The following WDR47 variants were observed in gnomAD, a reference collection of about 807,000 sequenced individuals.
The protein encoded by WDR47 is WD repeat domain 47.
A neutral mutation model predicts 97.2 loss-of-function variants in WDR47; 32 were observed. The observed-to-expected ratio is 0.33, with a 90% CI of 0.25 to 0.44. The LOEUF (loss-of-function observed/expected upper bound fraction) is 0.44. WDR47 is among the 20% of genes least tolerant of loss of function. The pLI is 1.00. For synonymous variants in WDR47, 375 were observed against 373.5 expected, an observed-to-expected ratio of 1.00 and a Z score of -0.05; for missense variants, 782 against 1,102.3, an observed-to-expected ratio of 0.71 and a Z score of 4.11.
intron 3 of WDR47, among the ~76,000 whole-genome samples, chr1:109,016,788 T>C (rs1661450063): frequency 6.7e-6 from 1 of 149,334 alleles, no homozygotes; most frequent in Non-Finnish European, 1.5e-5. Context: ...TTAGATATAG[T>C]TAAAAAAAAA....
chr1:109,013,073 A>G (rs1398067166), intron 4 of WDR47, among the ~76,000 whole-genome samples: 7 of 152,146 alleles, frequency 4.6e-5, no homozygotes, highest in Admixed American at 6.6e-5. Flanking sequence ...CGTGAATTAG[A>G]TTAGTGCCCA....
chr1:108,983,245 T>C, intron 11 of WDR47, 37 bp downstream of exon 11: 2 of 1,550,200 alleles, frequency 1.3e-6, no homozygotes, highest in African/African-American at 1.4e-5. Context: ...ACATATACAC[T>C]GGTAAGCTAG....
At chr1:109,017,656 T>A in intron 2 of WDR47, 55 bp from the exon 3 acceptor site, 1 of 1,397,874 alleles carries the variant, frequency 7.2e-7, no homozygotes, top group Non-Finnish European at 1.0e-6. Flanking sequence ...TTATACTAAT[T>A]AAAAGCAGAA....
intron 11 of WDR47, 111 bp from the exon 12 acceptor site, chr1:108,982,890 G>A (rs1181898880): frequency 1.6e-6 from 2 of 1,221,492 alleles, no homozygotes; most frequent in Non-Finnish European, 2.2e-6. Flanking sequence ...TAGAAATATG[G>A]TTTGTATTTT....
chr1:109,013,999 A>G, intron 3 of WDR47, 74 bp from the exon 4 acceptor site: 1 of 1,123,970 alleles, frequency 8.9e-7, no homozygotes, highest in Non-Finnish European at 1.3e-6. Flanking sequence ...CTATGTAAGT[A>G]CTTTTGCTTT....
intron 1 of WDR47, among the ~76,000 whole-genome samples, chr1:109,035,787 T>C (rs957756248): frequency 6.6e-6 from 1 of 151,948 alleles, no homozygotes; most frequent in African/African-American, 2.4e-5. Flanking sequence ...TGAGCCACTA[T>C]GCCCAGCCAA....
intron 14 of WDR47, among the ~76,000 whole-genome samples, chr1:108,972,081 T>A (rs1657494461): frequency 6.6e-6 from 1 of 152,156 alleles, no homozygotes; most frequent in Non-Finnish European, 1.5e-5. Flanking sequence ...CTGATAGTCA[T>A]CCTAATTTAA....
At position 109,011,259 on chromosome 1, in the gene WDR47, T is replaced by C; in HGVS notation, c.787A>G (p.Lys263Glu). The change falls in exon 5 of 15, where the codon AAA becomes GAA. Residue 263 changes from lysine (K) to glutamate (E), a missense_variant. Around this residue, in one of 3 missense-constraint regions of WDR47, gnomAD observed 428 missense variants for 584.3 expected, o/e 0.73. Transcript: ENST00000369962. The stretch of plus-strand genomic sequence containing the variant: ...TTGTCAACATGAATATTAAGCATTT[T>C]CTGTTCAAAAGCACAAGAGAAGACA... ...SSVFSCAFEQ[K>E]MLNIHVDKLL... 1 of 1,614,150 alleles carries C rather than the reference T, an allele frequency of 6.2e-7. No individual in the cohort carries two copies. Among genetic ancestry groups the C allele is most frequent in the Non-Finnish European group, 8.5e-7 (1 of 1,180,036 alleles).
intron 7 of WDR47, among the ~76,000 whole-genome samples, chr1:109,001,678 C>G (rs1468720592): frequency 6.6e-6 from 1 of 151,932 alleles, no homozygotes; most frequent in African/African-American, 2.4e-5. Context: ...TCGCTTGAGG[C>G]CAGGAGTTTG....
At chr1:108,974,338 CA>C (rs1391885244) in intron 14 of WDR47, among the ~76,000 whole-genome samples, 197 bp downstream of exon 14, 1 of 152,152 alleles carries the variant, frequency 6.6e-6, no homozygotes, top group African/African-American at 2.4e-5. Context: ...AAAACAAAAA[CA>C]AAACCTAACA....
At chr1:109,023,309 A>G (rs1439442993) in intron 2 of WDR47, 46 bp downstream of exon 2, 45 of 1,580,770 alleles carry the variant, frequency 2.8e-5, no homozygotes, top group African/African-American at 4.1e-5. Context: ...AATACTTAAC[A>G]TTTCTTCGAA....
chr1:109,004,752 A>AGG (rs771713522), intron 5 of WDR47, 37 bp from the exon 6 acceptor site: 1 of 1,555,774 alleles, frequency 6.4e-7, no homozygotes, highest in Non-Finnish European at 8.6e-7. Flanking sequence ...AAAAAGGCAG[A>AGG]GGGGGGAGTA....
chr1:109,017,221 G>A (rs506549), intron 3 of WDR47, among the ~76,000 whole-genome samples: 35,027 of 151,972 alleles, frequency 0.23, 4,220 homozygotes, highest in Admixed American at 0.3. Context: ...TGGGCAACAT[G>A]GTGAAACCCT....
chr1:109,003,620 G>T (rs1188031179), intron 6 of WDR47, among the ~76,000 whole-genome samples: 2 of 152,044 alleles, frequency 1.3e-5, no homozygotes, highest in East Asian at 3.9e-4. Context: ...TCCTGCCTCA[G>T]CCTCCCAAGT....
At chr1:108,981,409 C>A (rs1658338067) in intron 13 of WDR47, among the ~76,000 whole-genome samples, 1 of 152,096 alleles carries the variant, frequency 6.6e-6, no homozygotes, top group African/African-American at 2.4e-5. Flanking sequence ...GAAAATAGTA[C>A]ACTCTTTTGT....
At position 108,988,227 on chromosome 1, in the gene WDR47, AG is replaced by A. The variant is rs568571819; in HGVS notation, c.1768-1548del. Reference sequence around the variant, plus strand: ...ACCTGTCAGGGAGGGGGAGATAGGAAGGGGGGAGGGGCGGGGCACCAAGAAG... The same window carrying A: ...ACCTGTCAGGGAGGGGGAGATAGGAAGGGGGAGGGGCGGGGCACCAAGAAG... On this transcript the variant is annotated intron_variant, in intron 9 of 14. Coordinates refer to ENST00000369962, the MANE Select transcript of WDR47 (RefSeq NM_001142551.2). Among the ~76,000 whole-genome samples the A allele has an allele frequency of 1.7e-3, 134 of 78,728 alleles. 1 individual carries two copies. Among genetic ancestry groups the A allele is most frequent in the Admixed American group, 1.9e-3 (12 of 6,400 alleles). The allele number at this position is 78,728 out of a possible 152,430, so 51.6% of individuals were successfully genotyped here.
chr1:109,034,912 C>T (rs1485745389), intron 1 of WDR47, among the ~76,000 whole-genome samples: 1 of 152,000 alleles, frequency 6.6e-6, no homozygotes, highest in Non-Finnish European at 1.5e-5. Flanking sequence ...TAAACAGGCC[C>T]ATTTATTTAA....
At chr1:108,971,958 T>A (rs1657486919) in intron 14 of WDR47, among the ~76,000 whole-genome samples, 1 of 152,196 alleles carries the variant, frequency 6.6e-6, no homozygotes, top group Admixed American at 6.5e-5. Context: ...AAAAATTTCA[T>A]CTAGCAACAT....
chr1:108,986,433 A>G (rs1658817119), intron 10 of WDR47, 90 bp downstream of exon 10: 1 of 1,146,436 alleles, frequency 8.7e-7, no homozygotes, highest in Admixed American at 2.7e-5. Flanking sequence ...AAGATTTGAA[A>G]CACTACTGAA....
Sources: gnomAD v4.1 joint callset for allele counts (sites outside exome capture counted in the v4.1 genomes callset) on GRCh38, gnomAD v4.1.1 for gene constraint, gnomAD v4.1.1 regional missense constraint, MANE v1.5 for transcripts, NCBI Gene and HGNC (gene_info 2026-07-23, HGNC 2026-07-21) for gene names.